Variants in ACACA observed in about 807,000 individuals in gnomAD.
The protein encoded by ACACA is acetyl-CoA carboxylase alpha.
In ACACA, 103 loss-of-function variants were observed where a neutral mutation model predicts 296.1. That is an observed-to-expected ratio of 0.35 (90% CI 0.30 to 0.41). ACACA has a LOEUF of 0.41. Ranked by LOEUF, ACACA falls within the 10% of genes least tolerant of loss-of-function variation. The probability of loss-of-function intolerance (pLI) is 1.00; values close to 1 mark genes in which losing one functional copy is unlikely to be tolerated. For missense variants in ACACA, 1,554 were observed against 2,989.7 expected, an observed-to-expected ratio of 0.52 and a Z score of 11.20; for synonymous variants, 953 against 1,038.6, an observed-to-expected ratio of 0.92 and a Z score of 1.58.
chr17:37,218,406 T>C (rs1048919225), intron 29 of ACACA, among the ~76,000 whole-genome samples: 16 of 152,226 alleles, frequency 1.1e-4, no homozygotes, highest in African/African-American at 3.6e-4. Context: ...TTAAATAAGA[T>C]GTTATTTGAA....
At chr17:37,137,761 G>A (rs77950639) in intron 45 of ACACA, among the ~76,000 whole-genome samples, 2,253 of 152,158 alleles carry the variant, frequency 0.015, 57 homozygotes, top group African/African-American at 0.05. Context: ...CTTTACATGG[G>A]CTAAAATTAA....
At chr17:37,239,144 T>A (rs1208973479) in intron 24 of ACACA, among the ~76,000 whole-genome samples, 2 of 152,166 alleles carry the variant, frequency 1.3e-5, no homozygotes, top group Admixed American at 6.5e-5. Context: ...TTTTAATTTT[T>A]TTTTTCCTGA....
At chr17:37,379,196 C>T (rs770700417) in intron 1 of ACACA, 1 of 1,614,022 alleles carries the variant, frequency 6.2e-7, no homozygotes, top group Admixed American at 1.7e-5. Flanking sequence ...AGCTACCCTG[C>T]AGTGCCTTGG....
chr17:37,155,166 T>C (rs1203852755), intron 43 of ACACA, among the ~76,000 whole-genome samples: 1 of 152,142 alleles, frequency 6.6e-6, no homozygotes, highest in Non-Finnish European at 1.5e-5. Flanking sequence ...AGCCAAGGGA[T>C]GTGAAAAATT....
chr17:37,326,206 C>CA (rs773519168), intron 3 of ACACA, among the ~76,000 whole-genome samples: 6,878 of 61,580 alleles, frequency 0.11, 322 homozygotes, highest in African/African-American at 0.14. Context: ...AAGACTGTCT[C>CA]AAAAAAAAAA....
At chr17:37,366,468 T>C (rs1003386137) in intron 1 of ACACA, among the ~76,000 whole-genome samples, 61 of 148,568 alleles carry the variant, frequency 4.1e-4, no homozygotes, top group Non-Finnish European at 2.5e-4. Flanking sequence ...CACAATGTCA[T>C]GTCTTTTTTT....
intron 41 of ACACA, among the ~76,000 whole-genome samples, chr17:37,171,282 C>T (rs964848537): frequency 7.9e-5 from 12 of 152,212 alleles, no homozygotes; most frequent in Non-Finnish European, 1.5e-4. Context: ...AGCATGTTAG[C>T]GCTAACCCAG....
intron 41 of ACACA, among the ~76,000 whole-genome samples, chr17:37,168,697 A>G (rs1416130924): frequency 2.0e-5 from 3 of 152,220 alleles, no homozygotes; most frequent in Non-Finnish European, 2.9e-5. Context: ...AGAGAAAGAA[A>G]TATCAAGAAC....
chr17:37,142,747 G>C (rs950833814), intron 45 of ACACA, among the ~76,000 whole-genome samples: 1 of 152,198 alleles, frequency 6.6e-6, no homozygotes, highest in Non-Finnish European at 1.5e-5. Context: ...ACCCTGTCAC[G>C]ACTGAACATC....
chr17:37,174,020 A>ATATTT (rs552735515), intron 41 of ACACA, among the ~76,000 whole-genome samples: 5 of 16,790 alleles, frequency 3.0e-4, no homozygotes, highest in African/African-American at 5.1e-4. Flanking sequence ...ATATATATAT[A>ATATTT]TTTTTTTTTT....
chr17:37,204,744 C>T (rs2078420452), intron 33 of ACACA, among the ~76,000 whole-genome samples: 1 of 152,110 alleles, frequency 6.6e-6, no homozygotes, highest in Non-Finnish European at 1.5e-5. Context: ...ATAAATGAGG[C>T]ACATTAGACA....
chr17:37,126,357 A>G (rs1449762788), intron 47 of ACACA, among the ~76,000 whole-genome samples: 1 of 152,254 alleles, frequency 6.6e-6, no homozygotes, highest in Non-Finnish European at 1.5e-5. Flanking sequence ...CTGATAAAGT[A>G]TAACCTTTCT....
intron 3 of ACACA, among the ~76,000 whole-genome samples, chr17:37,317,872 G>C (rs2047168378): frequency 6.6e-6 from 1 of 152,146 alleles, no homozygotes; most frequent in Non-Finnish European, 1.5e-5. Flanking sequence ...ATGGAAAGAA[G>C]GGGAGGATGG....
At position 37,342,419 on chromosome 17, in the gene ACACA, AAAAAAAAAAAAAAAAAAAT is replaced by A. The variant is rs1407533638; in HGVS notation, c.39-2588_39-2570del. Among the ~76,000 whole-genome samples, 468 of 123,090 alleles carry A rather than the reference AAAAAAAAAAAAAAAAAAAT, an allele frequency of 3.8e-3. 6 individuals carry two copies. Among genetic ancestry groups the A allele is most frequent in the Non-Finnish European group, 6.0e-3 (366 of 60,952 alleles). The allele number at this position is 123,090 out of a possible 152,430, so 80.8% of individuals were successfully genotyped here. A position where few individuals can be genotyped will look rare whatever the true frequency, so the allele number is the denominator to read the frequency against. ...AAGACTGTCTCTCAAAAAAAAAAAA[AAAAAAAAAAAAAAAAAAAT>A]ATATATATATATATATATATACACA... is the stretch of plus-strand genomic sequence containing the variant. On this transcript the variant is annotated intron_variant, in intron 1 of 55. Transcript: ENST00000616317.
chr17:37,107,618 T>G (rs2073763688), intron 52 of ACACA, among the ~76,000 whole-genome samples: 1 of 152,182 alleles, frequency 6.6e-6, no homozygotes, highest in East Asian at 1.9e-4. Context: ...TGGCAGGCAG[T>G]CAGGGCATGT....
intron 3 of ACACA, among the ~76,000 whole-genome samples, chr17:37,296,721 T>A (rs1367960985): frequency 6.6e-6 from 1 of 151,902 alleles, no homozygotes; most frequent in Non-Finnish European, 1.5e-5. Context: ...AACATATACA[T>A]TTTGTGTGTG....
At chr17:37,225,583 G>A (rs1018684879) in intron 26 of ACACA, 5 of 188,720 alleles carry the variant, frequency 2.6e-5, no homozygotes, top group East Asian at 1.5e-4. Context: ...AGGAGAACGC[G>A]TCAGGAAGTA....
In ACACA at chr17:37,225,259, G is replaced by A. The variant is rs560184746; in HGVS notation, c.3361-154C>T. 6.5e-5 allele frequency: 41 copies of A among 628,822 alleles called. No homozygotes were observed. The South Asian group carries it at 6.8e-4, about 10-fold the overall frequency. The allele number at this position is 628,822 out of a possible 1,614,324, so 39.0% of individuals were successfully genotyped here. On this transcript the variant is annotated intron_variant, in intron 26 of 55. Transcript: ENST00000616317. ...CCAAGTAAAACAACTTCTAGGTCCTGTAACATAAAGCCAGTGCCACCAAAT... is the reference window on the plus strand; with the variant it reads ...CCAAGTAAAACAACTTCTAGGTCCTATAACATAAAGCCAGTGCCACCAAAT...
At chr17:37,318,213 G>A (rs2047184780) in intron 3 of ACACA, among the ~76,000 whole-genome samples, 1 of 152,128 alleles carries the variant, frequency 6.6e-6, no homozygotes, top group Non-Finnish European at 1.5e-5. Context: ...ATAGGAAGCA[G>A]GAATAAAATT....
Sources: gnomAD v4.1 joint callset for allele counts (sites outside exome capture counted in the v4.1 genomes callset) on GRCh38, gnomAD v4.1.1 for gene constraint, MANE v1.5 for transcripts, NCBI Gene and HGNC (gene_info 2026-07-23, HGNC 2026-07-21) for gene names.